Variants in CAMK1D observed in about 807,000 individuals in gnomAD.
CAMK1D encodes calcium/calmodulin-dependent protein kinase type 1D.
Under a neutral mutation model 47.7 loss-of-function variants are expected in CAMK1D, and 9 were observed. The observed-to-expected ratio is 0.19, with a 90% CI of 0.11 to 0.33. The LOEUF (loss-of-function observed/expected upper bound fraction) is 0.33. Ranked by LOEUF, CAMK1D falls within the 10% of genes least tolerant of loss-of-function variation. The pLI is 1.00. For missense variants in CAMK1D, 291 were observed against 488.7 expected, an observed-to-expected ratio of 0.60 and a Z score of 3.81; for synonymous variants, 184 against 184.9, an observed-to-expected ratio of 0.99 and a Z score of 0.04.
chr10:12,806,125 G>A (rs1207933265), intron 6 of CAMK1D, among the ~76,000 whole-genome samples: 1 of 152,208 alleles, frequency 6.6e-6, no homozygotes, highest in Non-Finnish European at 1.5e-5. Context: ...AGAACGGTGT[G>A]TAGAAAGGAA....
chr10:12,697,391 G>A (rs966694279), intron 3 of CAMK1D, among the ~76,000 whole-genome samples: 1 of 152,114 alleles, frequency 6.6e-6, no homozygotes, highest in African/African-American at 2.4e-5. Context: ...TAAGTATTTT[G>A]AGAATGCAAA....
intron 3 of CAMK1D, among the ~76,000 whole-genome samples, chr10:12,750,146 C>T (rs956290064): frequency 2.6e-5 from 4 of 152,292 alleles, no homozygotes; most frequent in East Asian, 1.9e-4. Context: ...TGTCAAAATT[C>T]GCAACTGACA....
intron 3 of CAMK1D, among the ~76,000 whole-genome samples, chr10:12,740,405 C>T (rs1835376999): frequency 6.6e-6 from 1 of 152,086 alleles, no homozygotes; most frequent in Non-Finnish European, 1.5e-5. Flanking sequence ...TTGAGACCAG[C>T]CTGGGCAACA....
intron 2 of CAMK1D, among the ~76,000 whole-genome samples, chr10:12,556,976 T>C (rs1255426301): frequency 6.6e-6 from 1 of 152,052 alleles, no homozygotes; most frequent in Non-Finnish European, 1.5e-5. Flanking sequence ...GTGGAATCTG[T>C]AGGACTTAGA....
intron 6 of CAMK1D, among the ~76,000 whole-genome samples, chr10:12,800,424 G>A (rs1838374677): frequency 6.6e-6 from 1 of 152,218 alleles, no homozygotes; most frequent in South Asian, 2.1e-4. Flanking sequence ...ACAGGATGCA[G>A]ACATTCATTC....
At chr10:12,414,714 T>C (rs913631533) in intron 1 of CAMK1D, among the ~76,000 whole-genome samples, 2 of 152,226 alleles carry the variant, frequency 1.3e-5, no homozygotes, top group African/African-American at 4.8e-5. Flanking sequence ...CCCATTAATT[T>C]GAATTTGGAT....
At chr10:12,735,661 C>T (rs534921768) in intron 3 of CAMK1D, among the ~76,000 whole-genome samples, 2 of 152,148 alleles carry the variant, frequency 1.3e-5, no homozygotes, top group East Asian at 1.9e-4. Flanking sequence ...TCTCTCTGTA[C>T]CAGACCTGAT....
chr10:12,744,072 A>T (rs1355976987), intron 3 of CAMK1D, among the ~76,000 whole-genome samples: 1 of 151,984 alleles, frequency 6.6e-6, no homozygotes, highest in Non-Finnish European at 1.5e-5. Flanking sequence ...TATAAATGAG[A>T]TCATATAATA....
chr10:12,363,387 C>T (rs899107364), intron 1 of CAMK1D, among the ~76,000 whole-genome samples: 51 of 151,452 alleles, frequency 3.4e-4, no homozygotes, highest in Non-Finnish European at 2.9e-4. Flanking sequence ...TCCAAGTAGC[C>T]GGGATTACAG....
At chr10:12,523,355 G>A (rs1197594879) in intron 1 of CAMK1D, among the ~76,000 whole-genome samples, 7 of 152,196 alleles carry the variant, frequency 4.6e-5, no homozygotes, top group African/African-American at 1.7e-4. Context: ...TGGCCGGGCA[G>A]AGGCTGCAAT....
Position 12,609,738 on chromosome 10 carries a change from G to T in CAMK1D, c.224+56382G>T, listed in dbSNP as rs183660702. Reference sequence around the variant, plus strand: ...CTTGCTGCCCCCCTCTTGCTGTGCAGCCTGGTTTCTAACAGGCCACAGACT... The same window carrying T: ...CTTGCTGCCCCCCTCTTGCTGTGCATCCTGGTTTCTAACAGGCCACAGACT... On this transcript the variant is annotated intron_variant, in intron 2 of 10. Transcript: ENST00000619168. Among the ~76,000 whole-genome samples, 359 of 152,256 alleles carry T rather than the reference G, an allele frequency of 2.4e-3. 4 individuals carry two copies. Among genetic ancestry groups the T allele is most frequent in the Non-Finnish European group, 4.1e-3 (282 of 68,026 alleles).
chr10:12,417,193 AC>A (rs1426264231), intron 1 of CAMK1D, among the ~76,000 whole-genome samples: 2 of 152,156 alleles, frequency 1.3e-5, no homozygotes, highest in African/African-American at 4.8e-5. Flanking sequence ...TATTTTTATT[AC>A]CTAGACGCAG....
At chr10:12,575,530 C>T (rs1837466166) in intron 2 of CAMK1D, among the ~76,000 whole-genome samples, 1 of 152,200 alleles carries the variant, frequency 6.6e-6, no homozygotes, top group Admixed American at 6.5e-5. Flanking sequence ...AAATCTCCAG[C>T]CTTCATGTCT....
At chr10:12,790,424 C>T (rs1034916252) in intron 5 of CAMK1D, among the ~76,000 whole-genome samples, 1 of 152,200 alleles carries the variant, frequency 6.6e-6, no homozygotes, top group Non-Finnish European at 1.5e-5. Flanking sequence ...AAACAGAGGC[C>T]AGAAATGTTG....
At chr10:12,742,770 A>G (rs1731578366) in intron 3 of CAMK1D, among the ~76,000 whole-genome samples, 1 of 152,212 alleles carries the variant, frequency 6.6e-6, no homozygotes, top group African/African-American at 2.4e-5. Flanking sequence ...TCCAAAGAGA[A>G]TGACTCCAGC....
chr10:12,383,938 A>ATC (rs1838416778), intron 1 of CAMK1D, among the ~76,000 whole-genome samples: 1 of 152,214 alleles, frequency 6.6e-6, no homozygotes, highest in Non-Finnish European at 1.5e-5. Flanking sequence ...AGATGAGATG[A>ATC]TCCTGTAGAG....
chr10:12,627,078 A>ATTT (rs71386106), intron 2 of CAMK1D, among the ~76,000 whole-genome samples: 1 of 104,420 alleles, frequency 9.6e-6, no homozygotes, highest in African/African-American at 3.4e-5. Context: ...ATGGGCTATA[A>ATTT]TTTTTTTTTT....
intron 3 of CAMK1D, among the ~76,000 whole-genome samples, chr10:12,708,235 G>A (rs76216821): frequency 0.035 from 5,401 of 152,242 alleles, 292 homozygotes; most frequent in African/African-American, 0.11. Flanking sequence ...ATCCTGCAAT[G>A]ACAGTGCACT....
intron 1 of CAMK1D, among the ~76,000 whole-genome samples, chr10:12,368,865 T>G (rs573604042): frequency 6.6e-6 from 1 of 152,296 alleles, no homozygotes; most frequent in Non-Finnish European, 1.5e-5. Context: ...TCTCCCAGGC[T>G]GGGGTGCAGT....
Sources: gnomAD v4.1 joint callset for allele counts (sites outside exome capture counted in the v4.1 genomes callset) on GRCh38, gnomAD v4.1.1 for gene constraint, MANE v1.5 for transcripts, NCBI Gene and HGNC (gene_info 2026-07-23, HGNC 2026-07-21) for gene names.